The following GALNT17 variants were observed in gnomAD, a reference collection of about 807,000 sequenced individuals.
The protein encoded by GALNT17 is polypeptide N-acetylgalactosaminyltransferase 17, also known as UDP-GalNAc:polypeptide N-acetylgalactosaminyltransferase-like 3.
A neutral mutation model predicts 63.7 loss-of-function variants in GALNT17; 29 were observed. The ratio of observed to expected loss-of-function variants is 0.46; its 90% confidence interval spans 0.34 to 0.62. The LOEUF (loss-of-function observed/expected upper bound fraction) is 0.62. Ranked by LOEUF, GALNT17 falls within the 20% of genes least tolerant of loss-of-function variation. GALNT17 has a pLI of 0.01. For missense variants in GALNT17, 603 were observed against 799.6 expected (o/e 0.75, Z 2.97); for synonymous variants, 305 against 318.3 (o/e 0.96, Z 0.45).
Position 71,712,146 on chromosome 7 carries a change from G to A in GALNT17, c.1797G>A (p.Ter599=), listed in dbSNP as rs1281892111. 6.2e-7 allele frequency: 1 copy of A among 1,612,100 alleles called. No individual in the cohort carries two copies. Among genetic ancestry groups the A allele is most frequent in the East Asian group, 2.2e-5 (1 of 44,740 alleles). Reference sequence around the variant, plus strand: ...GGACCATTAAGAACTCCATCAAGTAGAGGGAGGGAGCTGGGGCACTGGAGC... The same window carrying A: ...GGACCATTAAGAACTCCATCAAGTAAAGGGAGGGAGCTGGGGCACTGGAGC... ...QRWTIKNSIK[*] The change falls in exon 11 of 11, where the codon TAG becomes TAA. Residue 599 remains the stop codon, a stop_retained_variant. Transcript: ENST00000333538.
chr7:71,265,118 A>ATATATATATATATATTTTT (rs1390488895), intron 1 of GALNT17, among the ~76,000 whole-genome samples: 1 of 37,460 alleles, frequency 2.7e-5, no homozygotes, highest in African/African-American at 6.9e-5. Context: ...ATATATATAT[A>ATATATATATATATATTTTT]TTTTTTTTTT....
At chr7:71,184,309 G>A (rs1788791349) in intron 1 of GALNT17, among the ~76,000 whole-genome samples, 1 of 152,138 alleles carries the variant, frequency 6.6e-6, no homozygotes, top group Non-Finnish European at 1.5e-5. Context: ...GTGGAGTAAT[G>A]CACAGTGTCA....
chr7:71,572,513 A>AAC (rs1554310736), intron 6 of GALNT17, among the ~76,000 whole-genome samples: 1 of 140,492 alleles, frequency 7.1e-6, no homozygotes, highest in Non-Finnish European at 1.6e-5. Flanking sequence ...TTAAAAAAAA[A>AAC]AAAAAAAAAA....
At chr7:71,211,280 G>A (rs187176413) in intron 1 of GALNT17, among the ~76,000 whole-genome samples, 1 of 152,042 alleles carries the variant, frequency 6.6e-6, no homozygotes, top group Non-Finnish European at 1.5e-5. Context: ...TAAGTCTCAC[G>A]AGATCTGATG....
At chr7:71,566,518 C>T (rs1032859714) in intron 5 of GALNT17, among the ~76,000 whole-genome samples, 4 of 152,138 alleles carry the variant, frequency 2.6e-5, no homozygotes, top group African/African-American at 9.7e-5. Flanking sequence ...CCGAGGACAT[C>T]TCCCAGTCCC....
At chr7:71,479,353 C>T (rs966735880) in intron 5 of GALNT17, among the ~76,000 whole-genome samples, 2 of 151,966 alleles carry the variant, frequency 1.3e-5, no homozygotes, top group East Asian at 1.9e-4. Context: ...GGGCTCAGCA[C>T]GTATGGTTTC....
intron 9 of GALNT17, among the ~76,000 whole-genome samples, chr7:71,677,818 G>T (rs1338104013): frequency 6.6e-6 from 1 of 152,000 alleles, no homozygotes; most frequent in Non-Finnish European, 1.5e-5. Context: ...CCCGGCCAAG[G>T]CTCACAGGTT....
intron 7 of GALNT17, among the ~76,000 whole-genome samples, chr7:71,669,555 A>G (rs1791035962): frequency 7.0e-6 from 1 of 143,210 alleles, no homozygotes; most frequent in Admixed American, 7.4e-5. Context: ...TACGAGGCTT[A>G]AGATCTTTTT....
chr7:71,153,947 A>T (rs1788181585), intron 1 of GALNT17, among the ~76,000 whole-genome samples: 1 of 131,924 alleles, frequency 7.6e-6, no homozygotes, highest in Non-Finnish European at 1.7e-5. Context: ...AATAAAAAAT[A>T]AAAAAATAAA....
Position 71,597,744 on chromosome 7 carries a change from A to T in GALNT17, c.1080+26342A>T, listed in dbSNP as rs1789909283. On this transcript the variant is annotated intron_variant, in intron 6 of 10. Transcript: ENST00000333538. ...CAGGAGGCCAAAGAGCTTTCCTGGCAGAGGTTGTGGGACTGGCCCCATCTC... is the reference window on the plus strand; with the variant it reads ...CAGGAGGCCAAAGAGCTTTCCTGGCTGAGGTTGTGGGACTGGCCCCATCTC... Among the ~76,000 whole-genome samples, 4 of 152,026 alleles carry T rather than the reference A, an allele frequency of 2.6e-5. No homozygotes were observed. The South Asian group carries it at 8.3e-4, about 32-fold the overall frequency.
intron 5 of GALNT17, among the ~76,000 whole-genome samples, chr7:71,513,373 T>C (rs772173655): frequency 5.9e-5 from 9 of 151,922 alleles, no homozygotes; most frequent in Non-Finnish European, 1.2e-4. Context: ...TGTTTTTTTT[T>C]GTTTTTTTGT....
chr7:71,708,805 T>TA (rs1791753655), intron 9 of GALNT17, among the ~76,000 whole-genome samples: 1 of 152,180 alleles, frequency 6.6e-6, no homozygotes, highest in African/African-American at 2.4e-5. Flanking sequence ...AGTGAGAACA[T>TA]ACAGTGTTTG....
At chr7:71,621,074 TCATGTATTCAAATG>T (rs1483929545) in intron 6 of GALNT17, among the ~76,000 whole-genome samples, 1 of 152,210 alleles carries the variant, frequency 6.6e-6, no homozygotes, top group Non-Finnish European at 1.5e-5. Flanking sequence ...TAGGCTTAAG[TCATGTATTCAAATG>T]CAGATATAAG....
At chr7:71,394,685 G>A (rs540783812) in intron 3 of GALNT17, among the ~76,000 whole-genome samples, 2 of 152,244 alleles carry the variant, frequency 1.3e-5, no homozygotes, top group South Asian at 2.1e-4. Flanking sequence ...GGAGGAATTC[G>A]GGTGCACAGA....
intron 1 of GALNT17, among the ~76,000 whole-genome samples, chr7:71,253,400 C>G (rs1790235361): frequency 6.6e-6 from 1 of 152,076 alleles, no homozygotes; most frequent in African/African-American, 2.4e-5. Context: ...GGGAACTGCC[C>G]CCATGATTCG....
At position 71,415,918 on chromosome 7, in the gene GALNT17, G is replaced by A. The variant is rs1793515742; in HGVS notation, c.619G>A (p.Val207Ile). 6.2e-7 allele frequency: 1 copy of A among 1,612,414 alleles called. No homozygotes were observed. The highest frequency in any genetic ancestry group is 8.5e-7 in the Non-Finnish European group (1 of 1,179,228). The change falls in exon 4 of 11, where the codon GTC (valine) becomes ATC (isoleucine). Residue 207 changes from valine (V) to isoleucine (I), a missense_variant. Val to Ile is a conservative substitution (Grantham distance 29). Around this residue, in one of 3 missense-constraint regions of GALNT17, gnomAD observed 336 missense variants for 507.8 expected, o/e 0.66. Coordinates refer to ENST00000333538, the MANE Select transcript of GALNT17 (RefSeq NM_022479.3). ...GCTGAAGGTCCCCCTAGAGGAGTAT[G>A]TCCACAAACGCTACCCCGGGCTGGT... ...EELKVPLEEY[V>I]HKRYPGLVKV...
At chr7:71,213,522 A>G (rs983862752) in intron 1 of GALNT17, among the ~76,000 whole-genome samples, 2 of 152,276 alleles carry the variant, frequency 1.3e-5, no homozygotes, top group East Asian at 1.9e-4. Flanking sequence ...TGTTAACTAT[A>G]TATCCATTTC....
In GALNT17 at chr7:71,376,113, C is replaced by T. The variant is rs569500762; in HGVS notation, c.423-12122C>T. ...GAAAAAGAAAAAGAAAAAAAAGAAT[C>T]TTACTGGCCAAATTTTGGATCTGCT... On this transcript the variant is annotated intron_variant, in intron 2 of 10. Transcript: ENST00000333538. 3.0e-5 allele frequency among the ~76,000 whole-genome samples: 4 copies of T among 135,232 alleles called. No homozygotes were observed. In the South Asian group the frequency reaches 9.5e-4, roughly 32 times the overall value. 88.7% of individuals were successfully genotyped at this position (135,232 alleles called of 152,430 possible). A position where few individuals can be genotyped will look rare whatever the true frequency, so the allele number is the denominator to read the frequency against.
chr7:71,566,921 C>T (rs1246060195), intron 5 of GALNT17, among the ~76,000 whole-genome samples: 2 of 152,092 alleles, frequency 1.3e-5, no homozygotes, highest in Admixed American at 6.5e-5. Context: ...ACATCTGCCT[C>T]CTCCTTCTGC....
Sources: gnomAD v4.1 joint callset for allele counts (sites outside exome capture counted in the v4.1 genomes callset) on GRCh38, gnomAD v4.1.1 for gene constraint, gnomAD v4.1.1 regional missense constraint, MANE v1.5 for transcripts, NCBI Gene and HGNC (gene_info 2026-07-23, HGNC 2026-07-21) for gene names.